Variants in KLF8 observed in about 807,000 individuals in gnomAD.
KLF8 encodes Krueppel-like factor 8.
KLF8 carries 10 observed loss-of-function variants against 18.2 expected under a neutral mutation model. The observed-to-expected ratio is 0.55, with a 90% confidence interval of 0.34 to 0.93. The LOEUF (loss-of-function observed/expected upper bound fraction) is 0.93. Among genes scored for constraint, KLF8 ranks in the 40% least tolerant of loss-of-function variants. The pLI is 0.02. For synonymous variants in KLF8, 109 were observed against 97.3 expected (o/e 1.12, Z -0.71); for missense variants, 264 against 277.9 (o/e 0.95, Z 0.36).
chrX:56,089,732 G>A, the KLF8 span, among the ~76,000 whole-genome samples: 2 of 111,806 alleles, frequency 1.8e-5, no homozygotes, highest in African/African-American at 6.5e-5. Context: ...AACTTAAACT[G>A]CAATTCAAAA....
intron 5 of KLF8, among the ~76,000 whole-genome samples, chrX:56,280,711 C>A (rs2067190372): frequency 8.9e-6 from 1 of 112,216 alleles, no homozygotes; most frequent in South Asian, 3.8e-4. Flanking sequence ...ATTTCCCAAT[C>A]TTGGAATTTT....
the KLF8 span, among the ~76,000 whole-genome samples, chrX:55,963,226 C>A: frequency 3.6e-5 from 4 of 112,022 alleles, no homozygotes; most frequent in Non-Finnish European, 7.5e-5. Flanking sequence ...CTTACCATCA[C>A]CTTTCTCAGC....
chrX:56,037,901 A>G, the KLF8 span, among the ~76,000 whole-genome samples: 3 of 111,754 alleles, frequency 2.7e-5, no homozygotes, highest in Admixed American at 9.5e-5. Flanking sequence ...TTGCTGTCAA[A>G]TAGTAGGTCT....
chrX:56,184,243 C>T, the KLF8 span, among the ~76,000 whole-genome samples: 1 of 112,329 alleles, frequency 8.9e-6, no homozygotes, highest in African/African-American at 3.2e-5. Flanking sequence ...CTCAGAGAGT[C>T]CTATGCCCAC....
intron 5 of KLF8, 59 bp downstream of exon 5, chrX:56,270,380 A>ACACACC: frequency 6.2e-6 from 5 of 809,269 alleles, no homozygotes; most frequent in Non-Finnish European, 7.8e-6. Context: ...ACACACACAC[A>ACACACC]CGAGAGAGAG....
At chrX:56,147,334 T>C in the KLF8 span, among the ~76,000 whole-genome samples, 1 of 111,833 alleles carries the variant, frequency 8.9e-6, no homozygotes, top group Non-Finnish European at 1.9e-5. Context: ...AAAGATTGAT[T>C]TGACTATAGT....
At chrX:56,069,012 G>A in the KLF8 span, among the ~76,000 whole-genome samples, 4 of 111,852 alleles carry the variant, frequency 3.6e-5, no homozygotes, top group Non-Finnish European at 7.5e-5. Flanking sequence ...AATGAAGCAG[G>A]TAACACCTAT....
chrX:56,025,869 G>T, the KLF8 span, among the ~76,000 whole-genome samples: 6 of 112,344 alleles, frequency 5.3e-5, no homozygotes, highest in African/African-American at 1.3e-4. Context: ...AGGACAAAAA[G>T]ATTGTTTTAA....
the KLF8 span, among the ~76,000 whole-genome samples, chrX:55,931,468 G>T: frequency 8.9e-6 from 1 of 111,819 alleles, no homozygotes; most frequent in Non-Finnish European, 1.9e-5. Flanking sequence ...ATGTTAGGGT[G>T]TTGATTTTAG....
intron 5 of KLF8, among the ~76,000 whole-genome samples, chrX:56,280,613 A>G: frequency 8.9e-6 from 1 of 112,199 alleles, no homozygotes; most frequent in South Asian, 3.7e-4. Flanking sequence ...CATAATGGCT[A>G]AGACTATGTA....
intron 1 of KLF8, among the ~76,000 whole-genome samples, chrX:56,234,819 G>A (rs956391700): frequency 8.9e-6 from 1 of 112,317 alleles, no homozygotes; most frequent in Non-Finnish European, 1.9e-5. Context: ...TGACTGCTGG[G>A]GACACAGAGA....
At chrX:56,176,718 T>C in the KLF8 span, among the ~76,000 whole-genome samples, 2 of 111,897 alleles carry the variant, frequency 1.8e-5, no homozygotes, top group Non-Finnish European at 3.8e-5. Context: ...GGTTCCATTC[T>C]CCCTGTCACT....
At chrX:55,964,257 A>G in the KLF8 span, among the ~76,000 whole-genome samples, 1 of 111,993 alleles carries the variant, frequency 8.9e-6, no homozygotes, top group Non-Finnish European at 1.9e-5. Context: ...AAGAAAAATA[A>G]CAAAAATCAT....
chrX:56,186,838 G>A, the KLF8 span, among the ~76,000 whole-genome samples: 1 of 111,993 alleles, frequency 8.9e-6, no homozygotes, highest in African/African-American at 3.3e-5. Context: ...TGAGAACAAA[G>A]ACACAACATA....
chrX:56,238,000 T>G (rs776952091), intron 1 of KLF8, among the ~76,000 whole-genome samples: 7 of 111,913 alleles, frequency 6.3e-5, no homozygotes, highest in African/African-American at 2.3e-4. Flanking sequence ...CATTTAACCT[T>G]AATTTCTTTC....
the KLF8 span, among the ~76,000 whole-genome samples, chrX:56,081,604 C>T: frequency 7.1e-5 from 8 of 111,931 alleles, no homozygotes; most frequent in East Asian, 2.0e-3. Flanking sequence ...TATGATTTAG[C>T]TATGAATTTT....
the KLF8 span, among the ~76,000 whole-genome samples, chrX:56,176,170 A>G: frequency 8.9e-6 from 1 of 112,047 alleles, no homozygotes; most frequent in African/African-American, 3.2e-5. Context: ...TATTTTGCTC[A>G]TTAGCTGATG....
At chrX:56,103,254 A>C in the KLF8 span, among the ~76,000 whole-genome samples, 1 of 110,624 alleles carries the variant, frequency 9.0e-6, no homozygotes, top group Non-Finnish European at 1.9e-5. Context: ...GAAGAAAGTC[A>C]TTGGTAGCTT....
chrX:55,937,852 C>T, the KLF8 span, among the ~76,000 whole-genome samples: 1 of 111,663 alleles, frequency 9.0e-6, no homozygotes, highest in South Asian at 3.7e-4. Context: ...TGAGCAAAGC[C>T]TCCAACAAAT....
Sources: gnomAD v4.1 joint callset for allele counts (sites outside exome capture counted in the v4.1 genomes callset) on GRCh38, gnomAD v4.1.1 for gene constraint, MANE v1.5 for transcripts, NCBI Gene and HGNC (gene_info 2026-07-23, HGNC 2026-07-21) for gene names.